Variants in ARHGAP6 observed in about 807,000 individuals in gnomAD.
The protein encoded by ARHGAP6 is rho GTPase-activating protein 6.
In ARHGAP6, 16 loss-of-function variants were observed where a neutral mutation model predicts 55.7. The observed-to-expected ratio is 0.29, with a 90% CI of 0.19 to 0.44. The LOEUF (loss-of-function observed/expected upper bound fraction) is 0.44, where lower values mean the gene tolerates loss of function less well. ARHGAP6 is among the 20% of genes least tolerant of loss of function. ARHGAP6 has a pLI of 1.00. For synonymous variants in ARHGAP6, 382 were observed against 360.9 expected (o/e 1.06, Z -0.66); for missense variants, 698 against 808.9 (o/e 0.86, Z 1.66).
chrX:11,655,819 G>T (rs1470575675), intron 1 of ARHGAP6, among the ~76,000 whole-genome samples: 2 of 112,456 alleles, frequency 1.8e-5, no homozygotes, highest in Non-Finnish European at 3.8e-5. Context: ...CAAGCCTCTG[G>T]GAATCTGGGA....
chrX:11,565,329 A>G (rs1044579656), intron 1 of ARHGAP6, among the ~76,000 whole-genome samples: 10 of 112,391 alleles, frequency 8.9e-5, no homozygotes, highest in Non-Finnish European at 1.9e-4. Context: ...AGGCTCACAG[A>G]TCAGTTTCAG....
intron 1 of ARHGAP6, among the ~76,000 whole-genome samples, chrX:11,597,179 T>C (rs1345608077): frequency 8.9e-6 from 1 of 112,535 alleles, no homozygotes; most frequent in Non-Finnish European, 1.9e-5. Flanking sequence ...CATGCATTTT[T>C]GTTGCTGCAT....
intron 1 of ARHGAP6, among the ~76,000 whole-genome samples, chrX:11,384,338 A>G (rs554033809): frequency 1.8e-5 from 2 of 112,286 alleles, no homozygotes; most frequent in South Asian, 7.4e-4. Flanking sequence ...AAGCTTGAAT[A>G]CTTTCAAGGG....
intron 1 of ARHGAP6, among the ~76,000 whole-genome samples, chrX:11,483,194 C>T (rs923765391): frequency 1.8e-5 from 2 of 111,914 alleles, no homozygotes; most frequent in African/African-American, 6.5e-5. Flanking sequence ...CACACACCCT[C>T]TCCTGCCATG....
At position 11,455,521 on chromosome X, in the gene ARHGAP6, T is replaced by C. The variant is rs182354269; in HGVS notation, c.589-200814A>G. Among the ~76,000 whole-genome samples the C allele has an allele frequency of 3.8e-3, 423 of 112,134 alleles. 1 individual carries two copies. The highest frequency in any genetic ancestry group is 0.014 in the Middle Eastern group (3 of 218). On this transcript the variant is annotated intron_variant, in intron 1 of 12. Transcript: ENST00000337414. ...ACTGAAATATTTACTTTTATAGACATACCAATAATATTAAACCTTGCAAAC... is the reference window on the plus strand; with the variant it reads ...ACTGAAATATTTACTTTTATAGACACACCAATAATATTAAACCTTGCAAAC...
intron 1 of ARHGAP6, among the ~76,000 whole-genome samples, chrX:11,336,185 G>C (rs926314836): frequency 9.0e-6 from 1 of 111,635 alleles, no homozygotes; most frequent in Non-Finnish European, 1.9e-5. Flanking sequence ...CACAGAGAAT[G>C]CCTCTGTGTG....
chrX:11,553,770 T>G (rs994885619), intron 1 of ARHGAP6, among the ~76,000 whole-genome samples: 1 of 111,839 alleles, frequency 8.9e-6, no homozygotes, highest in African/African-American at 3.3e-5. Context: ...AATATCAACA[T>G]GTATTACACA....
intron 1 of ARHGAP6, among the ~76,000 whole-genome samples, chrX:11,465,288 A>T (rs1173874376): frequency 8.9e-6 from 1 of 112,143 alleles, no homozygotes; most frequent in African/African-American, 3.2e-5. Flanking sequence ...AGATAAGGAA[A>T]CTTAGGCTCA....
At chrX:11,180,459 T>A (rs2046300322) in intron 6 of ARHGAP6, among the ~76,000 whole-genome samples, 1 of 110,500 alleles carries the variant, frequency 9.0e-6, no homozygotes, top group Non-Finnish European at 1.9e-5. Flanking sequence ...GCAAAGTCCC[T>A]CTAGAGAAAC....
chrX:11,410,513 G>A lies in ARHGAP6; in HGVS notation c.589-155806C>T, dbSNP rs1399485292. Among the ~76,000 whole-genome samples the A allele has an allele frequency of 2.7e-5, 3 of 112,273 alleles. No homozygotes were observed. The Admixed American group carries it at 2.8e-4, about 11-fold the overall frequency. ...AAAAGAGAGTGACTGCCAGTGGCAT[G>A]GAGTTTCTTTTGGGGAAACAAAAAT... On this transcript the variant is annotated intron_variant, in intron 1 of 12. Transcript: ENST00000337414.
chrX:11,305,218 G>T (rs1183400111), intron 1 of ARHGAP6, among the ~76,000 whole-genome samples: 1 of 111,064 alleles, frequency 9.0e-6, no homozygotes, highest in African/African-American at 3.3e-5. Flanking sequence ...AGTGGTAGGG[G>T]TGTTAAGGAG....
At chrX:11,653,542 G>A (rs2052608800) in intron 1 of ARHGAP6, among the ~76,000 whole-genome samples, 1 of 112,229 alleles carries the variant, frequency 8.9e-6, no homozygotes, top group African/African-American at 3.2e-5. Context: ...TACCTTTGTT[G>A]CTTCCTAGTG....
intron 1 of ARHGAP6, among the ~76,000 whole-genome samples, chrX:11,384,347 G>C (rs992005305): frequency 1.8e-5 from 2 of 112,009 alleles, no homozygotes; most frequent in African/African-American, 3.2e-5. Flanking sequence ...TACTTTCAAG[G>C]GTGGTGCTAA....
intron 5 of ARHGAP6, 82 bp downstream of exon 5, chrX:11,186,154 C>G: frequency 7.7e-6 from 7 of 907,244 alleles, no homozygotes; most frequent in Non-Finnish European, 9.3e-6. Flanking sequence ...TTTGATCAAG[C>G]AGAATTGACA....
chrX:11,345,139 A>G (rs1449774120), intron 1 of ARHGAP6, among the ~76,000 whole-genome samples: 1 of 112,309 alleles, frequency 8.9e-6, no homozygotes, highest in Non-Finnish European at 1.9e-5. Context: ...CTCTCTTGGG[A>G]GTAGATTCAT....
chrX:11,405,937 T>A (rs2049603745), intron 1 of ARHGAP6, among the ~76,000 whole-genome samples: 1 of 111,475 alleles, frequency 9.0e-6, no homozygotes, highest in Non-Finnish European at 1.9e-5. Context: ...AGATAGGATC[T>A]CACTCTGTTG....
chrX:11,172,904 A>G (rs1379036875), intron 8 of ARHGAP6, among the ~76,000 whole-genome samples: 1 of 111,885 alleles, frequency 8.9e-6, no homozygotes, highest in African/African-American at 3.3e-5. Context: ...TCACTAAATG[A>G]ACATCCTAGA....
intron 9 of ARHGAP6, among the ~76,000 whole-genome samples, chrX:11,168,645 G>T (rs963022869): frequency 8.9e-6 from 1 of 112,145 alleles, no homozygotes; most frequent in East Asian, 2.8e-4. Flanking sequence ...GCCACAAAAG[G>T]CTCTAGTGGA....
At chrX:11,237,236 G>T (rs1396907566) in intron 2 of ARHGAP6, among the ~76,000 whole-genome samples, 2 of 112,332 alleles carry the variant, frequency 1.8e-5, no homozygotes, top group East Asian at 5.6e-4. Flanking sequence ...GGGTGGAAAA[G>T]AATCTAAATG....
Sources: allele counts gnomAD v4.1 joint callset (sites outside exome capture counted in the v4.1 genomes callset), GRCh38; gene constraint gnomAD v4.1.1; transcripts MANE v1.5; gene names NCBI Gene and HGNC (gene_info 2026-07-23, HGNC 2026-07-21).